The following TMEM131 variants were observed in gnomAD, a reference collection of about 807,000 sequenced individuals.
TMEM131 encodes the protein 2610524E03Rik.
A neutral mutation model predicts 211.6 loss-of-function variants in TMEM131; 66 were observed. That is an observed-to-expected ratio of 0.31 (90% CI 0.26 to 0.38). The LOEUF is 0.38. Ranked by LOEUF, TMEM131 falls within the 10% of genes least tolerant of loss-of-function variation. TMEM131 has a pLI of 1.00. For missense variants in TMEM131, 2,036 were observed against 2,299.3 expected (o/e 0.89, Z 2.34); for synonymous variants, 844 against 841.3 (o/e 1.00, Z -0.06).
At chr2:97,776,205 C>A (rs1317646274) in intron 31 of TMEM131, among the ~76,000 whole-genome samples, 187 bp from the exon 32 acceptor site, 1 of 152,094 alleles carries the variant, frequency 6.6e-6, no homozygotes, top group East Asian at 1.9e-4. Flanking sequence ...AGGCGCCCGC[C>A]ACCATGCCCA....
At chr2:97,995,298 G>T (rs1680445953) in intron 1 of TMEM131, among the ~76,000 whole-genome samples, 178 bp downstream of exon 1, 1 of 152,218 alleles carries the variant, frequency 6.6e-6, no homozygotes, top group Non-Finnish European at 1.5e-5. Flanking sequence ...AGGAATCACG[G>T]AGAGCGAAGG....
intron 7 of TMEM131, 86 bp from the exon 8 acceptor site, chr2:97,837,243 A>G: frequency 2.1e-6 from 2 of 934,190 alleles, no homozygotes; most frequent in Non-Finnish European, 3.2e-6. Context: ...TAATTCTGAC[A>G]TCCTAACTGT....
At position 97,769,439 on chromosome 2, in the gene TMEM131, C is replaced by T. The variant is rs114296518; in HGVS notation, c.4449-2837G>A. 9.9e-3 allele frequency among the ~76,000 whole-genome samples: 1,514 copies of T among 152,222 alleles called. 13 individuals carry two copies. The highest frequency in any genetic ancestry group is 0.024 in the South Asian group (115 of 4,826). ...TTTTATTCCTGTAATACACAGTACA[C>T]ATTTCTGTCTGGGGAGGAGAGAGGC... is the stretch of plus-strand genomic sequence containing the variant. On this transcript the variant is annotated intron_variant, in intron 33 of 40. Transcript: ENST00000186436.
intron 25 of TMEM131, 52 bp downstream of exon 25, chr2:97,801,843 G>T: frequency 7.5e-7 from 1 of 1,331,880 alleles, no homozygotes; most frequent in South Asian, 1.4e-5. Flanking sequence ...TATTTATATT[G>T]ATCATATTAT....
intron 4 of TMEM131, among the ~76,000 whole-genome samples, chr2:97,869,458 T>C (rs187316656): frequency 1.1e-3 from 162 of 152,320 alleles, no homozygotes; most frequent in Admixed American, 2.3e-3. Context: ...CCACATCCCA[T>C]AGAAATGAAT....
At chr2:97,975,430 T>G (rs1679487256) in intron 1 of TMEM131, among the ~76,000 whole-genome samples, 1 of 152,238 alleles carries the variant, frequency 6.6e-6, no homozygotes, top group East Asian at 1.9e-4. Flanking sequence ...GTTTCAGGAA[T>G]AAGAGAAGTG....
chr2:97,923,815 G>A (rs1447335542), intron 2 of TMEM131, among the ~76,000 whole-genome samples: 1 of 152,012 alleles, frequency 6.6e-6, no homozygotes, highest in Non-Finnish European at 1.5e-5. Flanking sequence ...TAGGCCGGGC[G>A]CAGTGGCCTA....
At chr2:97,828,568 T>C (rs1219142659) in intron 11 of TMEM131, among the ~76,000 whole-genome samples, 1 of 152,186 alleles carries the variant, frequency 6.6e-6, no homozygotes, top group African/African-American at 2.4e-5. Flanking sequence ...CTCAGACAGT[T>C]TGCAAGAAAT....
chr2:97,894,018 G>A (rs755559366), intron 3 of TMEM131, among the ~76,000 whole-genome samples: 4 of 152,066 alleles, frequency 2.6e-5, no homozygotes, highest in Non-Finnish European at 5.9e-5. Context: ...TAGGTTTTAC[G>A]TTTTAAGTCT....
In TMEM131 at chr2:97,841,753, T is replaced by C; in HGVS notation, c.723+62A>G. 41 of 1,473,080 alleles carry C rather than the reference T, an allele frequency of 2.8e-5. No individual in the cohort carries two copies. The South Asian group carries it at 5.5e-4, about 20-fold the overall frequency. 91.3% of individuals were successfully genotyped at this position (1,473,080 alleles called of 1,614,324 possible). On this transcript the variant is annotated intron_variant, in intron 7 of 40. Transcript: ENST00000186436. ...TTGGAAACTGTAACAAACTGAGATT[T>C]CATGCTAAGCATTAATTCCCACCAA...
intron 2 of TMEM131, chr2:97,911,600 A>G (rs979876928): frequency 1.0e-6 from 1 of 984,274 alleles, no homozygotes; most frequent in African/African-American, 1.7e-5. Flanking sequence ...GACCACTGAA[A>G]TTACTCATAC....
intron 32 of TMEM131, among the ~76,000 whole-genome samples, chr2:97,774,253 C>T (rs1679604077): frequency 6.6e-6 from 1 of 152,216 alleles, no homozygotes; most frequent in Admixed American, 6.5e-5. Flanking sequence ...AGGATGTGGC[C>T]TTTTGTCCAC....
intron 5 of TMEM131, among the ~76,000 whole-genome samples, chr2:97,846,514 A>C (rs1471544371): frequency 6.6e-6 from 1 of 152,188 alleles, no homozygotes; most frequent in African/African-American, 2.4e-5. Context: ...CAGTAAACTA[A>C]GTCAATAGAA....
chr2:97,796,285 C>A lies in TMEM131; in HGVS notation c.3133G>T (p.Gly1045Cys). The A allele has an allele frequency of 6.4e-7, 1 of 1,572,718 alleles. No individual in the cohort carries two copies. The highest frequency in any genetic ancestry group is 8.6e-7 in the Non-Finnish European group (1 of 1,158,104). ...TCTTGACAATTAACAACTTTAAAGC[C>A]ATATCCTTCACATGAGTATCCACTG... ...EISGYSCEGY[G>C]FKVVNCQEFT... The change falls in exon 28 of 41, where the codon GGC becomes TGC. Residue 1045 changes from glycine (G) to cysteine (C), a missense_variant. By Grantham distance (159) the Gly-to-Cys change is radical (BLOSUM62 -3). This residue lies in a region of TMEM131 where 1,623 missense variants were observed against 1,805.9 expected (regional missense o/e 0.90). Transcript: ENST00000186436.
At position 97,797,412 on chromosome 2, in the gene TMEM131, C is replaced by T. The variant is rs1299866895; in HGVS notation, c.2823G>A (p.Lys941=). The change falls in exon 26 of 41, where the codon AAG becomes AAA. Residue 941 remains lysine, a synonymous_variant. Coordinates refer to ENST00000186436, the MANE Select transcript of TMEM131 (RefSeq NM_015348.2). Reference sequence around the variant, plus strand: ...CAGTTCTGTTGTGAACTGGAGTAAACTTTACTTTGACAGATTTCTTTTCTC... The same window carrying T: ...CAGTTCTGTTGTGAACTGGAGTAAATTTTACTTTGACAGATTTCTTTTCTC... ...KPGEKKSVKV[K]FTPVHNRTVS... The T allele has an allele frequency of 2.5e-6, 4 of 1,612,562 alleles. No homozygotes were observed. Among genetic ancestry groups the T allele is most frequent in the Non-Finnish European group, 3.4e-6 (4 of 1,179,678 alleles).
chr2:97,887,048 G>A (rs1452007563), intron 4 of TMEM131, among the ~76,000 whole-genome samples: 1 of 152,176 alleles, frequency 6.6e-6, no homozygotes, highest in Non-Finnish European at 1.5e-5. Flanking sequence ...TTGGGTGTCT[G>A]TTGGCTTGGG....
chr2:97,819,687 G>A (rs1238613383), intron 11 of TMEM131, among the ~76,000 whole-genome samples: 1 of 152,144 alleles, frequency 6.6e-6, no homozygotes, highest in African/African-American at 2.4e-5. Context: ...GAACCCTCGT[G>A]GGTTGTATTT....
chr2:97,814,477 T>C, intron 13 of TMEM131, 89 bp from the exon 14 acceptor site: 4 of 1,239,470 alleles, frequency 3.2e-6, no homozygotes, highest in South Asian at 1.7e-5. Context: ...TAAGTAATAA[T>C]TTACATTTAG....
intron 1 of TMEM131, among the ~76,000 whole-genome samples, chr2:97,937,311 T>C (rs1211673418): frequency 1.3e-5 from 2 of 152,106 alleles, no homozygotes; most frequent in African/African-American, 2.4e-5. Flanking sequence ...ATAGCATATT[T>C]TGGCAGGCAA....
Sources: allele counts gnomAD v4.1 joint callset (sites outside exome capture counted in the v4.1 genomes callset), GRCh38; gene constraint gnomAD v4.1.1; regional missense constraint gnomAD v4.1.1; transcripts MANE v1.5; gene names NCBI Gene and HGNC (gene_info 2026-07-23, HGNC 2026-07-21).